Variants in STAT5A observed in about 807,000 individuals in gnomAD.
The protein encoded by STAT5A is epididymis secretory sperm binding protein.
In STAT5A, 26 loss-of-function variants were observed where a neutral mutation model predicts 100.2. That is an observed-to-expected ratio of 0.26 (90% CI 0.19 to 0.36). The LOEUF (loss-of-function observed/expected upper bound fraction) is 0.36. STAT5A is among the 10% of genes least tolerant of loss of function. The pLI is 1.00. For missense variants in STAT5A, 634 were observed against 1,027.5 expected (o/e 0.62, Z 5.24); for synonymous variants, 330 against 424.3 (o/e 0.78, Z 2.73).
chr17:42,308,201 A>C lies in STAT5A; in HGVS notation c.1930A>C (p.Lys644Gln). ...AGCGGAACGCAACCTGTGGAACCTG[A>C]AACCATTCACCACGCGGGATTTCTC... ...DSPERNLWNL[K>Q]PFTTRDFSIR... Residue 644 changes from lysine (K) to glutamine (Q), a missense_variant, in exon 16 of 19, where the codon AAA becomes CAA. Physicochemically the swap from Lys to Gln is moderately conservative, Grantham distance 53. Coordinates refer to ENST00000590949, the MANE Select transcript of STAT5A (RefSeq NM_001288718.2). This position sits in a 1 kb window ranked among gnomAD's most constrained non-coding sequence, Gnocchi z 4.6. The C allele has an allele frequency of 6.2e-7, 1 of 1,614,178 alleles. No homozygotes were observed. The highest frequency in any genetic ancestry group is 8.5e-7 in the Non-Finnish European group (1 of 1,180,026).
intron 17 of STAT5A, 74 bp downstream of exon 17, chr17:42,309,172 C>G (rs2081056851): frequency 6.2e-7 from 1 of 1,611,276 alleles, no homozygotes; most frequent in Admixed American, 1.7e-5. Context: ...CCATCCTGAT[C>G]CTGGGCCCAG....
chr17:42,305,161 C>T (rs1197882553), intron 11 of STAT5A, among the ~76,000 whole-genome samples: 1 of 152,176 alleles, frequency 6.6e-6, no homozygotes, highest in Non-Finnish European at 1.5e-5. Flanking sequence ...GATTGCACCA[C>T]TGCCCTCCAG....
rs574244449 is a variant in STAT5A, at chr17:42,298,576, A to G, written c.551-1175A>G. Reference sequence around the variant, plus strand: ...AAGCTCCACCTTCTGGGTTCACGCCATTCTCCTGCCTCAGCCTCCCTAGTA... The same window carrying G: ...AAGCTCCACCTTCTGGGTTCACGCCGTTCTCCTGCCTCAGCCTCCCTAGTA... On this transcript the variant is annotated intron_variant, in intron 5 of 18. Coordinates refer to ENST00000590949, the MANE Select transcript of STAT5A (RefSeq NM_001288718.2). 4.1e-3 allele frequency among the ~76,000 whole-genome samples: 610 copies of G among 149,620 alleles called. 2 individuals are homozygous for G. Among genetic ancestry groups the G allele is most frequent in the Non-Finnish European group, 6.0e-3 (403 of 67,644 alleles).
chr17:42,308,943 A>G lies in STAT5A; in HGVS notation c.2063-104A>G. ...GGGAAATCTCATCCCAGCTGAGAAC[A>G]CAAGGTGATGTGAGCAGGAGGGAGA... On this transcript the variant is annotated intron_variant, in intron 16 of 18. Coordinates refer to ENST00000590949, the MANE Select transcript of STAT5A (RefSeq NM_001288718.2). This position sits in a 1 kb window ranked among gnomAD's most constrained non-coding sequence, Gnocchi z 4.6. 2 of 1,439,716 alleles carry G rather than the reference A, an allele frequency of 1.4e-6. No individual in the cohort carries two copies. The highest frequency in any genetic ancestry group is 1.4e-5 in the African/African-American group (1 of 71,472). The allele number at this position is 1,439,716 out of a possible 1,614,324, so 89.2% of individuals were successfully genotyped here. A position where few individuals can be genotyped will look rare whatever the true frequency, so the allele number is the denominator to read the frequency against.
At chr17:42,293,624 T>C (rs1397956595) in intron 4 of STAT5A, among the ~76,000 whole-genome samples, 2 of 152,236 alleles carry the variant, frequency 1.3e-5, no homozygotes, top group East Asian at 3.8e-4. Flanking sequence ...GGCCTGGTTC[T>C]TGCCTGGAAG....
chr17:42,308,973 A>G lies in STAT5A; in HGVS notation c.2063-74A>G. On this transcript the variant is annotated intron_variant, in intron 16 of 18. Transcript: ENST00000590949. The surrounding 1 kb of genome is among the most constrained non-coding windows in gnomAD (Gnocchi z 4.6). ...GTGATGTGAGCAGGAGGGAGACTAC[A>G]TGGGGCGTGGGCTTCCACCCCACTT... The G allele has an allele frequency of 2.5e-6, 4 of 1,592,298 alleles. No individual in the cohort carries two copies. Among genetic ancestry groups the G allele is most frequent in the Admixed American group, 3.3e-5 (2 of 59,910 alleles).
In STAT5A at chr17:42,289,922, A is replaced by T. The variant is rs1227416963; in HGVS notation, c.185A>T (p.Glu62Val). The T allele has an allele frequency of 1.2e-6, 2 of 1,601,512 alleles. No individual in the cohort carries two copies. Among genetic ancestry groups the T allele is most frequent in the Non-Finnish European group, 1.7e-6 (2 of 1,174,158 alleles). ...AGAGCCCAAGCCACCCAGCTCCTGG[A>T]GGGCCTGGTGCAGGAGCTGCAGAAG... ...QDRAQATQLLEGLVQELQKKA... is the reference protein window; with the variant it reads ...QDRAQATQLLVGLVQELQKKA... The change falls in exon 3 of 19, where the codon GAG (glutamate) becomes GTG (valine). Residue 62 changes from glutamate to valine, a missense_variant. Transcript: ENST00000590949.
intron 2 of STAT5A, 24 bp from the exon 3 acceptor site, chr17:42,289,842 T>A: frequency 6.7e-7 from 1 of 1,496,296 alleles, no homozygotes; most frequent in South Asian, 1.3e-5. Flanking sequence ...CACAGTAGGT[T>A]TTTCTCTTCT....
At chr17:42,298,071 G>T (rs1040885158) in intron 5 of STAT5A, among the ~76,000 whole-genome samples, 2 of 151,928 alleles carry the variant, frequency 1.3e-5, no homozygotes, top group Non-Finnish European at 2.9e-5. Flanking sequence ...GGTGGTGGTT[G>T]TAACTGTGGA....
At chr17:42,295,591 G>A (rs577115931) in intron 4 of STAT5A, 28 bp from the exon 5 acceptor site, 10 of 1,604,360 alleles carry the variant, frequency 6.2e-6, no homozygotes, top group Admixed American at 3.4e-5. Flanking sequence ...TCTCTTCCCC[G>A]AGTTATTTCC....
At position 42,310,812 on chromosome 17, in the gene STAT5A, G is replaced by GCACA; in HGVS notation, c.*143_*144insCACA. 1.4e-6 allele frequency: 2 copies of GCACA among 1,403,026 alleles called. No homozygotes were observed. Among genetic ancestry groups the GCACA allele is most frequent in the Non-Finnish European group, 1.9e-6 (2 of 1,043,308 alleles). The allele number at this position is 1,403,026 out of a possible 1,614,324, so 86.9% of individuals were successfully genotyped here. A position where few individuals can be genotyped will look rare whatever the true frequency, so the allele number is the denominator to read the frequency against. On this transcript the variant is annotated 3_prime_UTR_variant, in exon 19 of 19. Coordinates refer to ENST00000590949, the MANE Select transcript of STAT5A (RefSeq NM_001288718.2). ...TGTGTGTGTGTGTGTCCTTGTGCAT[G>GCACA]AGCTACGCCTGCCTCCCCTGTGCAG...
chr17:42,308,168 C>A lies in STAT5A; in HGVS notation c.1907-10C>A. The A allele has an allele frequency of 6.2e-7, 1 of 1,613,484 alleles. No individual in the cohort carries two copies. The highest frequency in any genetic ancestry group is 8.5e-7 in the Non-Finnish European group (1 of 1,179,500). On this transcript the variant is annotated splice_polypyrimidine_tract_variant and intron_variant, in intron 15 of 18. Coordinates refer to ENST00000590949, the MANE Select transcript of STAT5A (RefSeq NM_001288718.2). This position sits in a 1 kb window ranked among gnomAD's most constrained non-coding sequence, Gnocchi z 4.6. The stretch of plus-strand genomic sequence containing the variant: ...GGTGGATTATGGGAATGAGGCTGTT[C>A]TTTTCACAGCGGAACGCAACCTGTG...
intron 15 of STAT5A, 35 bp downstream of exon 15, chr17:42,307,758 G>A (rs1210857913): frequency 6.2e-7 from 1 of 1,604,924 alleles, no homozygotes. Flanking sequence ...CCAGCCCCAA[G>A]GCCCGGTCTC....
At chr17:42,295,539 G>A (rs1193538362) in intron 4 of STAT5A, 80 bp from the exon 5 acceptor site, 2 of 1,480,162 alleles carry the variant, frequency 1.4e-6, no homozygotes, top group South Asian at 1.3e-5. Flanking sequence ...TTTGGGGTCT[G>A]TAGTATTGGT....
chr17:42,289,715 C>T lies in STAT5A; in HGVS notation c.129-151C>T, dbSNP rs541177432. On this transcript the variant is annotated intron_variant, in intron 2 of 18. Transcript: ENST00000590949. The stretch of plus-strand genomic sequence containing the variant: ...TGGGAGGACAGAGAATGTTTTTAGA[C>T]TCGGATGTCTGTGGAGCTGCTGGGA... 2.0e-5 allele frequency: 27 copies of T among 1,376,552 alleles called. 1 individual carries two copies. Among genetic ancestry groups the T allele is most frequent in the African/African-American group, 1.6e-4 (11 of 68,170 alleles). 85.3% of individuals were successfully genotyped at this position (1,376,552 alleles called of 1,614,324 possible).
intron 5 of STAT5A, among the ~76,000 whole-genome samples, chr17:42,298,022 T>G: frequency 1.5e-5 from 2 of 131,932 alleles, no homozygotes; most frequent in East Asian, 2.4e-4. Context: ...CCCAGTGTGG[T>G]GGAGACGGGC....
At chr17:42,288,270 G>A (rs2144481343), upstream of STAT5A, 1 of 152,234 alleles carries the variant, frequency 6.6e-6, no homozygotes, top group East Asian at 1.9e-4. This position sits in a 1 kb window ranked among gnomAD's most constrained non-coding sequence, Gnocchi z 4.8. Flanking sequence ...AGGGCCTGCT[G>A]GGACTCCCGG....
intron 3 of STAT5A, among the ~76,000 whole-genome samples, chr17:42,291,122 A>G (rs574574623): frequency 1.1e-4 from 16 of 152,352 alleles, no homozygotes; most frequent in African/African-American, 3.6e-4. Context: ...GTGACAGATC[A>G]CCAGGCATTA....
intron 9 of STAT5A, among the ~76,000 whole-genome samples, chr17:42,302,397 T>C (rs2080989643): frequency 6.6e-6 from 1 of 151,684 alleles, no homozygotes; most frequent in Non-Finnish European, 1.5e-5. Context: ...ATGACAGTCT[T>C]AGGCTCCTGG....
Sources: gnomAD v4.1 joint callset for allele counts (sites outside exome capture counted in the v4.1 genomes callset) on GRCh38, gnomAD v4.1.1 for gene constraint, Gnocchi (gnomAD v3.1) non-coding constraint, MANE v1.5 for transcripts, NCBI Gene and HGNC (gene_info 2026-07-23, HGNC 2026-07-21) for gene names.